Variants in MYO5B observed in about 807,000 individuals in gnomAD.
MYO5B encodes the protein myosin VB.
A neutral mutation model predicts 229.3 loss-of-function variants in MYO5B; 143 were observed. That is an observed-to-expected ratio of 0.62 (90% CI 0.54 to 0.72). The LOEUF (loss-of-function observed/expected upper bound fraction) is 0.72, where lower values mean the gene tolerates loss of function less well. Ranked by LOEUF, MYO5B falls within the 30% of genes least tolerant of loss-of-function variation. The pLI is 0.00. For synonymous variants in MYO5B, 918 were observed against 885.2 expected, an observed-to-expected ratio of 1.04 and a Z score of -0.66; for missense variants, 2,321 against 2,331.0, an observed-to-expected ratio of 1.00 and a Z score of 0.09.
At chr18:50,084,795 G>A (rs537160933) in intron 1 of MYO5B, among the ~76,000 whole-genome samples, 3 of 151,846 alleles carry the variant, frequency 2.0e-5, no homozygotes, top group Non-Finnish European at 2.9e-5. Flanking sequence ...ACAAACCTGA[G>A]AAAAACAAGC....
chr18:49,968,301 C>T (rs2025649758), intron 10 of MYO5B, among the ~76,000 whole-genome samples: 1 of 152,214 alleles, frequency 6.6e-6, no homozygotes, highest in African/African-American at 2.4e-5. Flanking sequence ...TTTTTACTTT[C>T]TGCAACCAGT....
chr18:50,129,135 A>C (rs1280204363), intron 1 of MYO5B, among the ~76,000 whole-genome samples: 1 of 152,200 alleles, frequency 6.6e-6, no homozygotes, highest in East Asian at 1.9e-4. Flanking sequence ...TGGTGGGAGC[A>C]TGGCCTGATG....
At chr18:49,839,358 G>A in intron 35 of MYO5B, 64 bp from the exon 36 acceptor site, 1 of 1,585,556 alleles carries the variant, frequency 6.3e-7, no homozygotes, top group Non-Finnish European at 8.6e-7. Flanking sequence ...CAACTTCCAG[G>A]GCTCTGGTAA....
intron 14 of MYO5B, among the ~76,000 whole-genome samples, chr18:49,947,101 C>CTTTTTTTTTTT (rs74176748): frequency 9.2e-6 from 1 of 108,292 alleles, no homozygotes; most frequent in Non-Finnish European, 1.8e-5. Flanking sequence ...TCACCAAGCT[C>CTTTTTTTTTTT]TTTTTTTTTT....
At chr18:50,173,083 GC>G (rs1331294259) in intron 1 of MYO5B, among the ~76,000 whole-genome samples, 1 of 152,074 alleles carries the variant, frequency 6.6e-6, no homozygotes, top group Non-Finnish European at 1.5e-5. Flanking sequence ...GGCCAACACG[GC>G]GAACCCCGTC....
chr18:50,024,545 T>C (rs945964473), intron 4 of MYO5B, among the ~76,000 whole-genome samples: 8 of 152,248 alleles, frequency 5.3e-5, no homozygotes, highest in African/African-American at 1.9e-4. Flanking sequence ...CATTTTATTC[T>C]CTAGTTCTGG....
intron 1 of MYO5B, among the ~76,000 whole-genome samples, chr18:50,134,085 C>T (rs2032296792): frequency 6.6e-6 from 1 of 152,068 alleles, no homozygotes; most frequent in Admixed American, 6.5e-5. Flanking sequence ...ACTGGTTGCT[C>T]CCGGAAAAAG....
chr18:50,006,735 G>A (rs918066568), intron 4 of MYO5B, among the ~76,000 whole-genome samples: 1 of 152,126 alleles, frequency 6.6e-6, no homozygotes, highest in Non-Finnish European at 1.5e-5. Context: ...TCTGGGTGGT[G>A]CCACCGGGAG....
chr18:49,893,614 C>A (rs1417783887), intron 22 of MYO5B, among the ~76,000 whole-genome samples: 1 of 152,212 alleles, frequency 6.6e-6, no homozygotes, highest in Non-Finnish European at 1.5e-5. Context: ...AGCAGCACAT[C>A]AGGAGTGTGG....
chr18:49,859,282 G>A (rs1052873583), intron 29 of MYO5B, among the ~76,000 whole-genome samples: 4 of 152,162 alleles, frequency 2.6e-5, no homozygotes, highest in Middle Eastern at 3.2e-3. Context: ...TAACCTTATT[G>A]CAAAGGTTTC....
chr18:49,832,623 A>G (rs1401802925), intron 39 of MYO5B, among the ~76,000 whole-genome samples: 1 of 152,228 alleles, frequency 6.6e-6, no homozygotes, highest in African/African-American at 2.4e-5. Context: ...ATGGCTCTAT[A>G]GTGGCAGGGG....
chr18:49,968,574 G>A (rs929904836), intron 10 of MYO5B, among the ~76,000 whole-genome samples: 1 of 152,140 alleles, frequency 6.6e-6, no homozygotes, highest in African/African-American at 2.4e-5. Flanking sequence ...GGAGGTTTGG[G>A]GAGTTCCTTC....
At chr18:50,137,962 A>C (rs1300613708) in intron 1 of MYO5B, among the ~76,000 whole-genome samples, 1 of 152,224 alleles carries the variant, frequency 6.6e-6, no homozygotes, top group African/African-American at 2.4e-5. Context: ...GAAGTAACAG[A>C]CATTGGTGCC....
At chr18:50,156,180 T>C (rs573675325) in intron 1 of MYO5B, among the ~76,000 whole-genome samples, 1 of 152,318 alleles carries the variant, frequency 6.6e-6, no homozygotes, top group East Asian at 1.9e-4. Flanking sequence ...TAAAATCAAC[T>C]TCTAGGGAAC....
intron 5 of MYO5B, among the ~76,000 whole-genome samples, chr18:49,996,518 A>G (rs1246189990): frequency 6.6e-6 from 1 of 152,240 alleles, no homozygotes; most frequent in African/African-American, 2.4e-5. Context: ...TGGATTAATA[A>G]AAAAATGTAG....
At chr18:49,877,128 C>G (rs967951812) in intron 25 of MYO5B, among the ~76,000 whole-genome samples, 5 of 151,142 alleles carry the variant, frequency 3.3e-5, no homozygotes, top group Non-Finnish European at 7.4e-5. Context: ...TGTGTACGTG[C>G]GCGCACACAC....
chr18:49,948,053 A>C (rs1057239163), intron 14 of MYO5B, among the ~76,000 whole-genome samples: 3 of 119,032 alleles, frequency 2.5e-5, no homozygotes, highest in African/African-American at 1.0e-4. Context: ...CTAAAACTTA[A>C]AGTATAATAA....
In MYO5B at chr18:49,875,804, G is replaced by A. The variant is rs749933407; in HGVS notation, c.3420C>T (p.Ala1140=). ...GCTTCAGGAAGACCGTCATGTCCAT[G>A]GCTGCCTTCTCCAGGCCAATTTCCT... ...QVEEIGLEKA[A]MDMTVFLKLQ... is the part of the protein sequence containing the mutation. Residue 1140 remains alanine, a synonymous_variant, in exon 26 of 40, where the codon GCC becomes GCT. Coordinates refer to ENST00000285039, the MANE Select transcript of MYO5B (RefSeq NM_001080467.3). The A allele has an allele frequency of 1.2e-6, 2 of 1,614,108 alleles. No homozygotes were observed. The highest frequency in any genetic ancestry group is 1.1e-5 in the South Asian group (1 of 91,076).
chr18:50,183,948 T>G (rs1329863018), intron 1 of MYO5B, among the ~76,000 whole-genome samples: 1 of 152,170 alleles, frequency 6.6e-6, no homozygotes, highest in Non-Finnish European at 1.5e-5. Context: ...GCTTCTGCTT[T>G]GACATTCTCC....
Sources: gnomAD v4.1 joint callset for allele counts (sites outside exome capture counted in the v4.1 genomes callset) on GRCh38, gnomAD v4.1.1 for gene constraint, MANE v1.5 for transcripts, NCBI Gene and HGNC (gene_info 2026-07-23, HGNC 2026-07-21) for gene names.